The following PHTF2 variants were observed in gnomAD, a reference collection of about 807,000 sequenced individuals.
PHTF2 encodes protein PHTF2.
A neutral mutation model predicts 101.2 loss-of-function variants in PHTF2; 60 were observed. That is an observed-to-expected ratio of 0.59 (90% CI 0.48 to 0.73). The LOEUF (loss-of-function observed/expected upper bound fraction) is 0.73, where lower values mean the gene tolerates loss of function less well. Among genes scored for constraint, PHTF2 ranks in the 30% least tolerant of loss-of-function variants. PHTF2 has a pLI of 0.00. For missense variants in PHTF2, 747 were observed against 908.7 expected, an observed-to-expected ratio of 0.82 and a Z score of 2.29; for synonymous variants, 311 against 307.3, an observed-to-expected ratio of 1.01 and a Z score of -0.13.
intron 7 of PHTF2, among the ~76,000 whole-genome samples, chr7:77,902,973 A>G (rs1801535119): frequency 1.3e-5 from 2 of 152,136 alleles, no homozygotes; most frequent in Admixed American, 6.5e-5. Context: ...TTTTCATGGC[A>G]GGAAATTTGG....
chr7:77,877,806 C>G (rs937458167), intron 3 of PHTF2, among the ~76,000 whole-genome samples: 2 of 152,168 alleles, frequency 1.3e-5, no homozygotes, highest in African/African-American at 4.8e-5. Context: ...CTGGAAACTT[C>G]TCTCTTAGGA....
At chr7:77,949,977 G>A in intron 17 of PHTF2, 144 bp downstream of exon 16, 2 of 500,736 alleles carry the variant, frequency 4.0e-6, no homozygotes, top group Non-Finnish European at 6.9e-6. Context: ...TAGGACACAA[G>A]CCTTTCTTCA....
intron 12 of PHTF2, among the ~76,000 whole-genome samples, chr7:77,932,088 G>A (rs375367758): frequency 1.3e-5 from 2 of 151,900 alleles, no homozygotes; most frequent in East Asian, 1.9e-4. Context: ...GCGACAGAGC[G>A]GACTCTGTCT....
At chr7:77,952,843 C>A (rs1192224554) in intron 18 of PHTF2, among the ~76,000 whole-genome samples, 1 of 152,176 alleles carries the variant, frequency 6.6e-6, no homozygotes, top group East Asian at 1.9e-4. Context: ...TCTCTCTTTA[C>A]AGCCAAGAAA....
At chr7:77,934,688 C>T (rs539343558) in intron 12 of PHTF2, among the ~76,000 whole-genome samples, 3 of 152,324 alleles carry the variant, frequency 2.0e-5, no homozygotes, top group South Asian at 2.1e-4. Context: ...TGGTGGCTCA[C>T]GCCTCTAATC....
chr7:77,879,195 CTTTTTGAATATTTTTTCTTTGTA>C (rs1292266293), intron 3 of PHTF2, among the ~76,000 whole-genome samples: 1 of 152,134 alleles, frequency 6.6e-6, no homozygotes, highest in Non-Finnish European at 1.5e-5. Context: ...TTGAATTTGA[CTTTTTGAATATTTTTTCTTTGTA>C]TTTATAACTT....
At position 77,953,822 on chromosome 7, in the gene PHTF2, T is replaced by A; in HGVS notation, c.2265T>A (p.Tyr755Ter). ...GGCTTACAATGAATCCGCTGCTTTATAACATCACCCAGGTTGTTATCCTGT... is the reference window on the plus strand; with the variant it reads ...GGCTTACAATGAATCCGCTGCTTTAAAACATCACCCAGGTTGTTATCCTGT... The change falls in exon 19 of 20, where the codon TAT becomes TAA. Residue 755 changes from tyrosine to a stop codon, truncating the protein, a stop_gained. Transcript: ENST00000416283. LOFTEE classifies it high-confidence loss of function. 1 of 1,612,952 alleles carries A rather than the reference T, an allele frequency of 6.2e-7. No homozygotes were observed. Among genetic ancestry groups the A allele is most frequent in the South Asian group, 1.1e-5 (1 of 91,052 alleles).
At chr7:77,927,195 T>TACAC (rs1434065287) in intron 11 of PHTF2, among the ~76,000 whole-genome samples, 4 of 78,508 alleles carry the variant, frequency 5.1e-5, no homozygotes, top group African/African-American at 1.5e-4. Flanking sequence ...TATATATATA[T>TACAC]ACATACACAC....
At chr7:77,949,944 A>G (rs907423880) in intron 17 of PHTF2, 111 bp downstream of exon 16, 11 of 566,566 alleles carry the variant, frequency 1.9e-5, no homozygotes, top group Admixed American at 1.5e-4. Context: ...CATTTGTGCT[A>G]TAAAGCAAAA....
intron 3 of PHTF2, among the ~76,000 whole-genome samples, chr7:77,889,274 T>C (rs1800148438): frequency 6.6e-6 from 1 of 152,204 alleles, no homozygotes; most frequent in Non-Finnish European, 1.5e-5. Context: ...GACTAAAGGC[T>C]GGAAGAGATC....
At position 77,935,129 on chromosome 7, in the gene PHTF2, C is replaced by CA. The variant is rs1491227836; in HGVS notation, c.1339-2581_1339-2580insA. On this transcript the variant is annotated intron_variant, in intron 12 of 19. Coordinates refer to ENST00000416283, the Ensembl canonical transcript of PHTF2. ...GTTTTTCAGTGTACATTCCCCCCCCCCACACACACACACAGAGGAATATAG... is the reference window on the plus strand; with the variant it reads ...GTTTTTCAGTGTACATTCCCCCCCCCACACACACACACACAGAGGAATATAG... Among the ~76,000 whole-genome samples, 592 of 125,490 alleles carry CA rather than the reference C, an allele frequency of 4.7e-3. 19 individuals carry two copies. Among genetic ancestry groups the CA allele is most frequent in the African/African-American group, 0.017 (561 of 33,522 alleles). The allele number at this position is 125,490 out of a possible 152,430, so 82.3% of individuals were successfully genotyped here.
At chr7:77,847,317 C>CT (rs1171494976) in intron 2 of PHTF2, among the ~76,000 whole-genome samples, 1 of 152,156 alleles carries the variant, frequency 6.6e-6, no homozygotes, top group African/African-American at 2.4e-5. Context: ...TACATTTTCA[C>CT]TTTTATGTCC....
At chr7:77,814,659 G>A (rs1005647064) in intron 1 of PHTF2, among the ~76,000 whole-genome samples, 17 of 151,796 alleles carry the variant, frequency 1.1e-4, no homozygotes, top group Non-Finnish European at 1.8e-4. Context: ...TTACAGGCAC[G>A]CGCCACCGCG....
intron 11 of PHTF2, chr7:77,923,701 C>T (rs896397051): frequency 2.5e-4 from 248 of 985,222 alleles, no homozygotes; most frequent in Non-Finnish European, 3.0e-4. Flanking sequence ...GATAACCAAG[C>T]TTGTAAAATT....
intron 11 of PHTF2, among the ~76,000 whole-genome samples, chr7:77,927,295 T>C (rs1804148108): frequency 6.7e-6 from 1 of 149,292 alleles, no homozygotes; most frequent in South Asian, 2.1e-4. Context: ...CAAATGAATA[T>C]AAATAATAAC....
At chr7:77,920,008 A>T (rs759418530) in intron 9 of PHTF2, among the ~76,000 whole-genome samples, 6 of 152,170 alleles carry the variant, frequency 3.9e-5, no homozygotes, top group Non-Finnish European at 5.9e-5. Context: ...CAAAGACCAG[A>T]TGATTTACTA....
chr7:77,932,963 TAA>T (rs1326995686), intron 12 of PHTF2, among the ~76,000 whole-genome samples: 1 of 152,068 alleles, frequency 6.6e-6, no homozygotes, highest in East Asian at 1.9e-4. Context: ...AAGTGTTCAA[TAA>T]ATAGTTGCCA....
intron 3 of PHTF2, among the ~76,000 whole-genome samples, chr7:77,874,537 A>G (rs1366225401): frequency 6.6e-6 from 1 of 152,248 alleles, no homozygotes; most frequent in Non-Finnish European, 1.5e-5. Flanking sequence ...GTTCCAGGGC[A>G]GGAAGCATTC....
intron 9 of PHTF2, among the ~76,000 whole-genome samples, chr7:77,912,817 C>T (rs1802535248): frequency 7.2e-6 from 1 of 138,636 alleles, no homozygotes; most frequent in African/African-American, 2.6e-5. Flanking sequence ...CCTGAAGCCT[C>T]AACCTCCCAG....
Sources: allele counts gnomAD v4.1 joint callset (sites outside exome capture counted in the v4.1 genomes callset), GRCh38; gene constraint gnomAD v4.1.1; transcripts MANE v1.5; gene names NCBI Gene and HGNC (gene_info 2026-07-23, HGNC 2026-07-21).